Variants in RICTOR observed in about 807,000 individuals in gnomAD.
The protein encoded by RICTOR is RPTOR independent companion of MTOR complex 2, also known as rapamycin-insensitive companion of mTOR.
A neutral mutation model predicts 214.9 loss-of-function variants in RICTOR; 49 were observed. The observed-to-expected ratio is 0.23, with a 90% CI of 0.18 to 0.29. The LOEUF (loss-of-function observed/expected upper bound fraction) is 0.29. Among genes scored for constraint, RICTOR ranks in the 10% least tolerant of loss-of-function variants. The pLI is 1.00. For synonymous variants in RICTOR, 717 were observed against 711.3 expected, an observed-to-expected ratio of 1.01 and a Z score of -0.13; for missense variants, 1,625 against 2,047.0, an observed-to-expected ratio of 0.79 and a Z score of 3.98.
intron 7 of RICTOR, among the ~76,000 whole-genome samples, chr5:38,987,095 G>A (rs895400496): frequency 6.6e-6 from 1 of 152,134 alleles, no homozygotes; most frequent in East Asian, 1.9e-4. Flanking sequence ...TGGTGGATAA[G>A]CTTTTTGACA....
intron 3 of RICTOR, among the ~76,000 whole-genome samples, chr5:39,019,590 G>C (rs948923414): frequency 3.3e-5 from 5 of 152,096 alleles, no homozygotes; most frequent in African/African-American, 1.2e-4. Context: ...TGAGAAAACA[G>C]TATTTGCTAT....
intron 6 of RICTOR, 107 bp from the exon 7 acceptor site, chr5:38,991,182 T>C (rs753281306): frequency 7.0e-6 from 4 of 567,774 alleles, no homozygotes; most frequent in African/African-American, 3.9e-5. Flanking sequence ...CAGAATAAGA[T>C]CTAGGTATCA....
intron 2 of RICTOR, among the ~76,000 whole-genome samples, chr5:39,039,624 AAAAC>A (rs1423110538): frequency 7.2e-5 from 11 of 152,234 alleles, no homozygotes; most frequent in South Asian, 4.1e-4. Context: ...TTACAAGGAA[AAAAC>A]AAACAACCCC....
chr5:39,044,392 T>C (rs1163453664), intron 2 of RICTOR, among the ~76,000 whole-genome samples: 1 of 152,176 alleles, frequency 6.6e-6, no homozygotes, highest in Non-Finnish European at 1.5e-5. Flanking sequence ...ATCTGGCATT[T>C]ATAACAGAAG....
chr5:39,064,575 C>T (rs1758769553), intron 2 of RICTOR, among the ~76,000 whole-genome samples: 1 of 152,198 alleles, frequency 6.6e-6, no homozygotes, highest in African/African-American at 2.4e-5. Flanking sequence ...CACAGATACA[C>T]AGGCAAGCAA....
chr5:38,949,099 A>C (rs908658373), intron 31 of RICTOR, among the ~76,000 whole-genome samples: 3 of 152,086 alleles, frequency 2.0e-5, no homozygotes, highest in Admixed American at 2.0e-4. Flanking sequence ...TATAGGTACA[A>C]AATTTTTTTG....
intron 2 of RICTOR, among the ~76,000 whole-genome samples, chr5:39,031,267 G>A (rs2150151188): frequency 6.6e-6 from 1 of 152,232 alleles, no homozygotes; most frequent in Non-Finnish European, 1.5e-5. Context: ...AAAAGAAAAG[G>A]CAGTTAAGCA....
intron 6 of RICTOR, among the ~76,000 whole-genome samples, chr5:38,996,512 C>T (rs1157136144): frequency 6.6e-6 from 1 of 152,170 alleles, no homozygotes; most frequent in African/African-American, 2.4e-5. Flanking sequence ...AGCAAGTAAT[C>T]CTCTTCCTCT....
intron 5 of RICTOR, among the ~76,000 whole-genome samples, chr5:39,002,243 G>A (rs979836386): frequency 2.7e-5 from 4 of 150,832 alleles, no homozygotes; most frequent in African/African-American, 7.3e-5. Flanking sequence ...AGTAATTACT[G>A]TATACGTCCA....
chr5:38,994,223 T>G (rs1384045437), intron 6 of RICTOR, among the ~76,000 whole-genome samples: 1 of 150,914 alleles, frequency 6.6e-6, no homozygotes, highest in Non-Finnish European at 1.5e-5. Flanking sequence ...AAAATTAACT[T>G]CAGGATATGT....
At chr5:39,027,354 T>C (rs1037009870) in intron 2 of RICTOR, among the ~76,000 whole-genome samples, 10 of 152,064 alleles carry the variant, frequency 6.6e-5, no homozygotes, top group Admixed American at 5.2e-4. Flanking sequence ...TTTACTTCTC[T>C]AAATGAGTAT....
intron 2 of RICTOR, among the ~76,000 whole-genome samples, chr5:39,048,085 TG>T (rs1334480941): frequency 6.6e-6 from 1 of 152,220 alleles, no homozygotes; most frequent in African/African-American, 2.4e-5. Context: ...GAAGGGCTTC[TG>T]GCCCTAAGAA....
At chr5:38,957,015 T>C (rs1391475468) in intron 25 of RICTOR, among the ~76,000 whole-genome samples, 1 of 152,140 alleles carries the variant, frequency 6.6e-6, no homozygotes, top group Non-Finnish European at 1.5e-5. Context: ...CTAAAAATCA[T>C]TTATATCGGT....
In RICTOR at chr5:38,958,807, G is replaced by T; in HGVS notation, c.2203C>A (p.His735Asn). ...TDACRLYATK[H>N]LRVLLRANVE... Reference sequence around the variant, plus strand: ...TTAGCTCTCAATAATACCCTTAAATGTTTTGTTGCATAGAGTCTGCAGGCC... The same window carrying T: ...TTAGCTCTCAATAATACCCTTAAATTTTTTGTTGCATAGAGTCTGCAGGCC... The change falls in exon 23 of 38, where the codon CAT (histidine) becomes AAT (asparagine). Residue 735 changes from histidine (H) to asparagine (N), a missense_variant. By Grantham distance (68) the His-to-Asn change is moderately conservative. Coordinates refer to ENST00000357387, the MANE Select transcript of RICTOR (RefSeq NM_152756.5). 1 of 1,594,412 alleles carries T rather than the reference G, an allele frequency of 6.3e-7. No individual in the cohort carries two copies. The highest frequency in any genetic ancestry group is 8.5e-7 in the Non-Finnish European group (1 of 1,170,404).
At chr5:39,019,891 C>A (rs554045196) in intron 3 of RICTOR, among the ~76,000 whole-genome samples, 12 of 152,070 alleles carry the variant, frequency 7.9e-5, no homozygotes, top group Non-Finnish European at 1.6e-4. Context: ...GTTCCAGATG[C>A]CATTAAGAAC....
At chr5:38,951,350 C>T (rs1280352865) in intron 30 of RICTOR, among the ~76,000 whole-genome samples, 1 of 151,918 alleles carries the variant, frequency 6.6e-6, no homozygotes, top group East Asian at 1.9e-4. Context: ...ATTACAAATA[C>T]TTCAAATATA....
intron 2 of RICTOR, among the ~76,000 whole-genome samples, chr5:39,056,788 G>A (rs920637709): frequency 6.6e-6 from 1 of 152,106 alleles, no homozygotes; most frequent in Admixed American, 6.5e-5. Flanking sequence ...TAGAAATATT[G>A]GAGGAAAAAC....
At chr5:39,070,565 A>C (rs72635285) in intron 2 of RICTOR, among the ~76,000 whole-genome samples, 2,843 of 152,326 alleles carry the variant, frequency 0.019, 59 homozygotes, top group African/African-American at 0.053. Flanking sequence ...CAAGAGAGTC[A>C]GTTTTTTAGT....
chr5:38,994,517 G>T (rs1278184878), intron 6 of RICTOR, among the ~76,000 whole-genome samples: 1 of 142,730 alleles, frequency 7.0e-6, no homozygotes, highest in African/African-American at 2.6e-5. Context: ...GCCACTGTTC[G>T]TTCAGCAAAT....
Sources: allele counts gnomAD v4.1 joint callset (sites outside exome capture counted in the v4.1 genomes callset), GRCh38; gene constraint gnomAD v4.1.1; transcripts MANE v1.5; gene names NCBI Gene and HGNC (gene_info 2026-07-23, HGNC 2026-07-21).